DIAPH2: variants seen among roughly 807,000 people sequenced by gnomAD.
DIAPH2 encodes the protein protein diaphanous homolog 2.
A neutral mutation model predicts 92.7 loss-of-function variants in DIAPH2; 35 were observed. That is an observed-to-expected ratio of 0.38 (90% CI 0.29 to 0.50). DIAPH2 has a LOEUF of 0.50. DIAPH2 is among the 20% of genes least tolerant of loss of function. The probability of loss-of-function intolerance (pLI) is 0.94; values close to 1 mark genes in which losing one functional copy is unlikely to be tolerated. For missense variants in DIAPH2, 701 were observed against 819.5 expected, an observed-to-expected ratio of 0.86 and a Z score of 1.77; for synonymous variants, 301 against 280.4, an observed-to-expected ratio of 1.07 and a Z score of -0.73.
intron 26 of DIAPH2, among the ~76,000 whole-genome samples, chrX:97,486,214 A>G (rs976780500): frequency 9.0e-6 from 1 of 111,656 alleles, no homozygotes; most frequent in African/African-American, 3.3e-5. Flanking sequence ...TATATACTCC[A>G]TAACTTAAGC....
At chrX:97,230,577 G>A (rs949577814) in intron 22 of DIAPH2, among the ~76,000 whole-genome samples, 5 of 111,772 alleles carry the variant, frequency 4.5e-5, no homozygotes, top group Non-Finnish European at 7.5e-5. Flanking sequence ...GTTTTTAAAC[G>A]GAGTTTGGCT....
intron 5 of DIAPH2, among the ~76,000 whole-genome samples, chrX:96,894,139 G>A (rs1014316603): frequency 9.0e-5 from 10 of 111,641 alleles, no homozygotes; most frequent in South Asian, 7.5e-4. Context: ...TCATATACCC[G>A]AAATCAACCT....
intron 26 of DIAPH2, among the ~76,000 whole-genome samples, chrX:97,534,482 A>G (rs924946053): frequency 9.0e-6 from 1 of 110,942 alleles, no homozygotes; most frequent in African/African-American, 3.3e-5. Flanking sequence ...ATATTATACT[A>G]TAAAAATCCT....
intron 25 of DIAPH2, among the ~76,000 whole-genome samples, chrX:97,404,289 C>G (rs2069787358): frequency 9.0e-6 from 1 of 111,557 alleles, no homozygotes; most frequent in Admixed American, 9.6e-5. Flanking sequence ...TATTCCTTTA[C>G]TTCAGTGAAA....
intron 23 of DIAPH2, among the ~76,000 whole-genome samples, chrX:97,263,900 T>TTTA (rs2068311402): frequency 6.4e-5 from 6 of 93,992 alleles, no homozygotes; most frequent in African/African-American, 1.9e-4. Flanking sequence ...ACTGTTAGTT[T>TTTA]TTTATTTATT....
chrX:97,011,891 CAAAAAAAAAAAA>C lies in DIAPH2; in HGVS notation c.2050+46701_2050+46712del, dbSNP rs1169242843. 1.1e-3 allele frequency among the ~76,000 whole-genome samples: 36 copies of C among 32,203 alleles called. No individual in the cohort carries two copies. In the East Asian group the frequency reaches 0.034, roughly 30 times the overall value. 28.0% of individuals were successfully genotyped at this position (32,203 alleles called of 115,157 possible). On this transcript the variant is annotated intron_variant, in intron 17 of 26. Transcript: ENST00000324765. ...TGGTTGACAGAGCAAGACACTGTCT[CAAAAAAAAAAAA>C]AAAAAAAAAAAAAAAAGAGGGATTT...
At chrX:96,998,100 T>C (rs1316057287) in intron 17 of DIAPH2, among the ~76,000 whole-genome samples, 1 of 112,299 alleles carries the variant, frequency 8.9e-6, no homozygotes, top group Admixed American at 9.5e-5. Context: ...ATGCTTTTTA[T>C]TTAAAGGACA....
At chrX:97,273,310 AT>A (rs2068406538) in intron 23 of DIAPH2, among the ~76,000 whole-genome samples, 2 of 111,771 alleles carry the variant, frequency 1.8e-5, no homozygotes, top group Non-Finnish European at 1.9e-5. Context: ...ATATGAATAA[AT>A]TTTTATATAT....
chrX:97,454,357 C>T (rs1015511067), intron 26 of DIAPH2, among the ~76,000 whole-genome samples: 1 of 110,680 alleles, frequency 9.0e-6, no homozygotes, highest in African/African-American at 3.3e-5. Flanking sequence ...AAGCAGAATA[C>T]AGACTGTATA....
In DIAPH2 at chrX:97,458,927, G is replaced by A. The variant is rs12556673; in HGVS notation, c.3241+29182G>A. On this transcript the variant is annotated intron_variant, in intron 26 of 26. Coordinates refer to ENST00000324765, the MANE Select transcript of DIAPH2 (RefSeq NM_006729.5). Reference sequence around the variant, plus strand: ...TGGGTATGCTGAAGCAGAGTCTCCAGGGATAGGTGCTGGTCATGGGGATCT... The same window carrying A: ...TGGGTATGCTGAAGCAGAGTCTCCAAGGATAGGTGCTGGTCATGGGGATCT... Among the ~76,000 whole-genome samples, 396 of 111,699 alleles carry A rather than the reference G, an allele frequency of 3.5e-3. 1 individual carries two copies. The highest frequency in any genetic ancestry group is 5.5e-3 in the Non-Finnish European group (292 of 53,159).
At chrX:97,032,933 A>G (rs1274137023) in intron 17 of DIAPH2, among the ~76,000 whole-genome samples, 1 of 111,217 alleles carries the variant, frequency 9.0e-6, no homozygotes. Context: ...ACTTCACACA[A>G]CCATTTACTA....
At chrX:97,293,995 T>C (rs150675061) in intron 23 of DIAPH2, among the ~76,000 whole-genome samples, 12,575 of 112,037 alleles carry the variant, frequency 0.11, 711 homozygotes, top group Admixed American at 0.19. Flanking sequence ...AGCTTCTATG[T>C]ATAGGGGAGA....
intron 19 of DIAPH2, among the ~76,000 whole-genome samples, chrX:97,099,247 T>C (rs1038790480): frequency 9.1e-6 from 1 of 110,426 alleles, no homozygotes; most frequent in African/African-American, 3.3e-5. Context: ...GCGCCTGTTA[T>C]CCCAGCTACT....
In DIAPH2 at chrX:96,982,321, G is replaced by A. The variant is rs191455617; in HGVS notation, c.2050+17114G>A. Among the ~76,000 whole-genome samples, 131 of 112,012 alleles carry A rather than the reference G, an allele frequency of 1.2e-3. 2 individuals are homozygous for A. The highest frequency in any genetic ancestry group is 4.1e-3 in the African/African-American group (126 of 30,906). On this transcript the variant is annotated intron_variant, in intron 17 of 26. Coordinates refer to ENST00000324765, the MANE Select transcript of DIAPH2 (RefSeq NM_006729.5). The stretch of plus-strand genomic sequence containing the variant: ...TAGGAGTCTAAGCAAAATATGTGAT[G>A]CATTCAAATGGCAAGTACAACTACT...
rs748882474 is a variant in DIAPH2 at position 97,272,777 on chromosome X, C to T, written c.2844+24938C>T. Among the ~76,000 whole-genome samples the T allele has an allele frequency of 2.7e-5, 3 of 111,885 alleles. No homozygotes were observed. In the South Asian group the frequency reaches 1.1e-3, roughly 42 times the overall value. On this transcript the variant is annotated intron_variant, in intron 23 of 26. Coordinates refer to ENST00000324765, the MANE Select transcript of DIAPH2 (RefSeq NM_006729.5). Reference sequence around the variant, plus strand: ...GGAAAATAACAGGAATTCCACTGGCCGCATGCAGTTCCCTACTCAAGCAAA... The same window carrying T: ...GGAAAATAACAGGAATTCCACTGGCTGCATGCAGTTCCCTACTCAAGCAAA...
At chrX:97,260,596 G>A (rs2068280718) in intron 23 of DIAPH2, among the ~76,000 whole-genome samples, 1 of 112,293 alleles carries the variant, frequency 8.9e-6, no homozygotes, top group African/African-American at 3.2e-5. Flanking sequence ...GAGTTTTAAA[G>A]TTGGAGTTAG....
At chrX:96,716,740 T>C (rs776244669) in intron 1 of DIAPH2, among the ~76,000 whole-genome samples, 7 of 111,625 alleles carry the variant, frequency 6.3e-5, no homozygotes, top group African/African-American at 9.8e-5. Flanking sequence ...AAAGCCATAG[T>C]GTTGGGTCTT....
chrX:96,895,512 T>C (rs1248129636), intron 5 of DIAPH2, among the ~76,000 whole-genome samples: 2 of 112,068 alleles, frequency 1.8e-5, no homozygotes, highest in African/African-American at 6.5e-5. Flanking sequence ...TGTTCCACTA[T>C]TTAAAATAAT....
At chrX:97,203,752 G>T (rs1169856508) in intron 22 of DIAPH2, among the ~76,000 whole-genome samples, 1 of 111,590 alleles carries the variant, frequency 9.0e-6, no homozygotes, top group Non-Finnish European at 1.9e-5. Flanking sequence ...ACAAAGAGGA[G>T]CCGGTACCAT....
Sources: allele counts gnomAD v4.1 joint callset (sites outside exome capture counted in the v4.1 genomes callset), GRCh38; gene constraint gnomAD v4.1.1; transcripts MANE v1.5; gene names NCBI Gene and HGNC (gene_info 2026-07-23, HGNC 2026-07-21).